CTNND2: variants seen among roughly 807,000 people sequenced by gnomAD.
CTNND2 encodes catenin delta 2, also known as catenin delta-2.
Under a neutral mutation model 144.4 loss-of-function variants are expected in CTNND2, and 22 were observed. The observed-to-expected ratio is 0.15, with a 90% CI of 0.11 to 0.22. The LOEUF (loss-of-function observed/expected upper bound fraction) is 0.22, where lower values mean the gene tolerates loss of function less well. CTNND2 is among the 10% of genes least tolerant of loss of function. The pLI is 1.00. For synonymous variants in CTNND2, 751 were observed against 695.6 expected (o/e 1.08, Z -1.25); for missense variants, 1,353 against 1,618.8 (o/e 0.84, Z 2.82).
At chr5:11,749,441 A>G (rs1788488485) in intron 1 of CTNND2, among the ~76,000 whole-genome samples, 1 of 152,034 alleles carries the variant, frequency 6.6e-6, no homozygotes, top group African/African-American at 2.4e-5. Context: ...AGGAGTCAGA[A>G]AATATGCCAG....
chr5:11,385,114 G>A lies in CTNND2; in HGVS notation c.728C>T (p.Ala243Val). 1.9e-6 allele frequency: 2 copies of A among 1,025,940 alleles called. No homozygotes were observed. Among genetic ancestry groups the A allele is most frequent in the Non-Finnish European group, 2.3e-6 (2 of 858,554 alleles). The allele number at this position is 1,025,940 out of a possible 1,614,324, so 63.6% of individuals were successfully genotyped here. ...CGCGGCGGCGGCGGCGGCGGGCGGC[G>A]CGTCGGGCAGGTGGAAGGCGCTGCC... ...SLGSAFHLPD[A>V]PPAAAAAALY... is the part of the protein sequence containing the mutation. Residue 243 changes from alanine (A) to valine (V), a missense_variant, in exon 7 of 22, where the codon GCG becomes GTG. Ala to Val is a moderately conservative substitution (Grantham distance 64). Transcript: ENST00000304623.
intron 9 of CTNND2, among the ~76,000 whole-genome samples, chr5:11,268,943 T>A (rs1561125309): frequency 6.6e-6 from 1 of 152,258 alleles, no homozygotes; most frequent in Admixed American, 6.5e-5. Context: ...AGATAGGGAA[T>A]GTTAGTTAAC....
At chr5:11,497,511 C>T (rs1156715716) in intron 3 of CTNND2, among the ~76,000 whole-genome samples, 3 of 6,226 alleles carry the variant, frequency 4.8e-4, no homozygotes, top group East Asian at 2.5e-3. Flanking sequence ...GAATGATGTG[C>T]GGGGGGGTGG....
intron 2 of CTNND2, among the ~76,000 whole-genome samples, chr5:11,580,059 A>C (rs1301116046): frequency 6.6e-6 from 1 of 152,318 alleles, no homozygotes; most frequent in African/African-American, 2.4e-5. Flanking sequence ...ACTTAAGCCC[A>C]ATGAGTTAAA....
intron 3 of CTNND2, among the ~76,000 whole-genome samples, chr5:11,434,283 T>C (rs923427211): frequency 1.3e-5 from 2 of 152,126 alleles, no homozygotes; most frequent in African/African-American, 2.4e-5. Context: ...AACTAATCCA[T>C]GGTAGGAAAC....
intron 16 of CTNND2, among the ~76,000 whole-genome samples, chr5:11,039,208 G>C (rs1744412185): frequency 6.6e-6 from 1 of 152,168 alleles, no homozygotes; most frequent in South Asian, 2.1e-4. Flanking sequence ...TCTGACATTG[G>C]CAATACCAAT....
At chr5:11,542,189 T>C (rs1774820110) in intron 3 of CTNND2, among the ~76,000 whole-genome samples, 1 of 152,032 alleles carries the variant, frequency 6.6e-6, no homozygotes, top group African/African-American at 2.4e-5. Flanking sequence ...CTGCGCCAGA[T>C]TCTAACCCGG....
intron 1 of CTNND2, among the ~76,000 whole-genome samples, chr5:11,760,983 T>C (rs2126804905): frequency 6.6e-6 from 1 of 152,316 alleles, no homozygotes; most frequent in African/African-American, 2.4e-5. Flanking sequence ...CTTTTCATTG[T>C]ATGAGTATTT....
At chr5:11,722,923 C>T (rs972250448) in intron 2 of CTNND2, among the ~76,000 whole-genome samples, 1 of 152,144 alleles carries the variant, frequency 6.6e-6, no homozygotes, top group African/African-American at 2.4e-5. Flanking sequence ...ACTTCAAAAT[C>T]TGTAATGATT....
chr5:11,612,105 AC>A (rs1306045255), intron 2 of CTNND2, among the ~76,000 whole-genome samples: 1 of 152,236 alleles, frequency 6.6e-6, no homozygotes, highest in Non-Finnish European at 1.5e-5. Flanking sequence ...AGAATATAGC[AC>A]CTTAAAACTA....
chr5:11,138,918 C>T (rs554755772), intron 12 of CTNND2, among the ~76,000 whole-genome samples: 15 of 152,258 alleles, frequency 9.9e-5, no homozygotes, highest in African/African-American at 2.9e-4. Flanking sequence ...GAATCATCTC[C>T]CCAAGAAGCT....
At chr5:11,322,978 T>G (rs538477806) in intron 9 of CTNND2, among the ~76,000 whole-genome samples, 1 of 152,254 alleles carries the variant, frequency 6.6e-6, no homozygotes, top group East Asian at 1.9e-4. Flanking sequence ...ATCTGACAAA[T>G]TATGTCTGTG....
chr5:11,815,872 T>C (rs554468388), intron 1 of CTNND2, among the ~76,000 whole-genome samples: 1 of 152,234 alleles, frequency 6.6e-6, no homozygotes, highest in Admixed American at 6.5e-5. Flanking sequence ...CTGTTCCTTC[T>C]AACTTTGTGG....
At chr5:11,025,384 T>C (rs374226315) in intron 16 of CTNND2, among the ~76,000 whole-genome samples, 16 of 152,228 alleles carry the variant, frequency 1.1e-4, no homozygotes, top group Admixed American at 5.9e-4. Context: ...TTTAGCTCTT[T>C]CTAGTGTTTA....
intron 1 of CTNND2, among the ~76,000 whole-genome samples, chr5:11,872,852 G>A (rs1735261756): frequency 6.6e-6 from 1 of 151,964 alleles, no homozygotes; most frequent in African/African-American, 2.4e-5. Flanking sequence ...CAAAAATTAA[G>A]ACAGATTAAA....
At chr5:11,736,168 C>T (rs1787672882) in intron 1 of CTNND2, among the ~76,000 whole-genome samples, 1 of 152,036 alleles carries the variant, frequency 6.6e-6, no homozygotes, top group Non-Finnish European at 1.5e-5. Context: ...CCTAATGCTA[C>T]TCTACTAACT....
chr5:11,706,544 C>T (rs888424979), intron 2 of CTNND2, among the ~76,000 whole-genome samples: 3 of 152,106 alleles, frequency 2.0e-5, no homozygotes, highest in African/African-American at 2.4e-5. Flanking sequence ...ATACAGAGTG[C>T]GTCATCACAC....
chr5:11,722,126 A>T (rs1786723773), intron 2 of CTNND2, among the ~76,000 whole-genome samples: 1 of 152,172 alleles, frequency 6.6e-6, no homozygotes, highest in Admixed American at 6.5e-5. Flanking sequence ...AAATATATTC[A>T]TATTTTACAT....
At chr5:11,171,960 A>C (rs1388432972) in intron 11 of CTNND2, among the ~76,000 whole-genome samples, 1 of 152,220 alleles carries the variant, frequency 6.6e-6, no homozygotes, top group Non-Finnish European at 1.5e-5. Flanking sequence ...TTAATTGAGT[A>C]AAAAAGTTCA....
Sources: allele counts gnomAD v4.1 joint callset (sites outside exome capture counted in the v4.1 genomes callset), GRCh38; gene constraint gnomAD v4.1.1; transcripts MANE v1.5; gene names NCBI Gene and HGNC (gene_info 2026-07-23, HGNC 2026-07-21).